KIF15: variants seen among roughly 807,000 people sequenced by gnomAD.
KIF15 encodes the protein kinesin family member 15, also known as kinesin-like protein KIF15.
Under a neutral mutation model 190.6 loss-of-function variants are expected in KIF15, and 140 were observed. The ratio of observed to expected loss-of-function variants is 0.73; its 90% confidence interval spans 0.64 to 0.84. The LOEUF is 0.84. KIF15 is among the 40% of genes least tolerant of loss of function. The pLI is 0.00. For synonymous variants in KIF15, 528 were observed against 551.3 expected (o/e 0.96, Z 0.59); for missense variants, 1,372 against 1,584.4 (o/e 0.87, Z 2.28).
rs114793043 is a variant in KIF15 at position 44,826,100 on chromosome 3, C to T, written c.2611C>T (p.Gln871Ter). 2 of 1,589,236 alleles carry T rather than the reference C, an allele frequency of 1.3e-6. No homozygotes were observed. Among genetic ancestry groups the T allele is most frequent in the South Asian group, 1.2e-5 (1 of 85,214 alleles). The part of the protein sequence containing the change: ...ACLQDSYDNL[Q>*]EIMKFEIDQL... Reference sequence around the variant, plus strand: ...CCTACAGGATTCCTATGACAACTTACAAGAAATAATGAAATTTGAGATTGA... The same window carrying T: ...CCTACAGGATTCCTATGACAACTTATAAGAAATAATGAAATTTGAGATTGA... The change falls in exon 21 of 35, where the codon CAA (glutamine) becomes TAA (stop). Residue 871 changes from glutamine (Q) to a stop codon, truncating the protein, a stop_gained. Transcript: ENST00000326047. LOFTEE classifies it high-confidence loss of function.
At chr3:44,864,223 CATT>C in intron 6 of KIF15, 1 of 1,614,164 alleles carries the variant, frequency 6.2e-7, no homozygotes, top group Non-Finnish European at 8.5e-7. Flanking sequence ...GCGTCTTAGG[CATT>C]ATTGTGATGG....
At chr3:44,809,655 G>A (rs1707696868) in intron 16 of KIF15, among the ~76,000 whole-genome samples, 1 of 151,594 alleles carries the variant, frequency 6.6e-6, no homozygotes, top group African/African-American at 2.4e-5. Context: ...GACCAGCTTG[G>A]GCAACATAGT....
rs373566547 is a variant in KIF15 at position 44,828,278 on chromosome 3, A to G, written c.2921A>G (p.Glu974Gly). 6 of 1,612,426 alleles carry G rather than the reference A, an allele frequency of 3.7e-6. No individual in the cohort carries two copies. The highest frequency in any genetic ancestry group is 5.1e-6 in the Non-Finnish European group (6 of 1,178,474). The change falls in exon 24 of 35, where the codon GAA becomes GGA. Residue 974 changes from glutamate to glycine, a missense_variant. By Grantham distance (98) the Glu-to-Gly change is moderately conservative. Transcript: ENST00000326047. ...LATEKVISSL[E>G]KSRDSDKKVV... ...ACTGAAAAAGTGATCAGTTCCCTGG[A>G]AAAGTCTAGAGATTCTGATAAGGTT...
intron 32 of KIF15, among the ~76,000 whole-genome samples, chr3:44,849,186 T>G (rs552519349): frequency 6.6e-6 from 1 of 152,356 alleles, no homozygotes; most frequent in Non-Finnish European, 1.5e-5. Flanking sequence ...TTTTGCTTAT[T>G]ATACTGATTT....
At chr3:44,843,297 A>T in intron 30 of KIF15, 63 bp downstream of exon 30, 1 of 1,108,036 alleles carries the variant, frequency 9.0e-7, no homozygotes, top group Non-Finnish European at 1.3e-6. Context: ...GAGTTAAATG[A>T]GGTTGGAATT....
At chr3:44,840,575 CTCTG>C (rs1239136013) in intron 28 of KIF15, 119 bp downstream of exon 28, 2 of 629,716 alleles carry the variant, frequency 3.2e-6, no homozygotes, top group Admixed American at 6.8e-5. Context: ...CACTAATACC[CTCTG>C]TCTGCTTTTT....
At chr3:44,829,431 T>TAC (rs1697864243) in intron 24 of KIF15, among the ~76,000 whole-genome samples, 1 of 139,628 alleles carries the variant, frequency 7.2e-6, no homozygotes, top group Admixed American at 7.9e-5. Flanking sequence ...ATATATAATA[T>TAC]ATATGTATAT....
At chr3:44,865,049 G>C (rs545987183) in intron 6 of KIF15, 1 of 1,614,034 alleles carries the variant, frequency 6.2e-7, no homozygotes, top group East Asian at 2.2e-5. Context: ...GGCCTTCCTG[G>C]GCTATGTGCT....
chr3:44,811,894 G>A (rs138909928), intron 17 of KIF15, among the ~76,000 whole-genome samples: 6 of 152,140 alleles, frequency 3.9e-5, no homozygotes, highest in Non-Finnish European at 7.3e-5. Context: ...TCTCAAGATG[G>A]CTCTGTCATG....
At chr3:44,862,056 G>T in intron 6 of KIF15, 1 of 1,328,842 alleles carries the variant, frequency 7.5e-7, no homozygotes, top group African/African-American at 1.5e-5. Flanking sequence ...TCAACTGTCT[G>T]TGCGCCGGCG....
intron 10 of KIF15, chr3:44,799,202 G>T: frequency 1.1e-5 from 5 of 455,788 alleles, no homozygotes; most frequent in South Asian, 7.8e-5. Context: ...CTTGTAATGA[G>T]GCTGGCCATA....
intron 26 of KIF15, among the ~76,000 whole-genome samples, chr3:44,834,075 C>T (rs1024465891): frequency 6.6e-6 from 1 of 152,056 alleles, no homozygotes; most frequent in African/African-American, 2.4e-5. Flanking sequence ...AATGTGACTA[C>T]GAATATTGTA....
chr3:44,778,001 G>T, intron 3 of KIF15, 114 bp from the exon 4 acceptor site: 1 of 785,700 alleles, frequency 1.3e-6, no homozygotes, highest in Admixed American at 1.9e-5. Context: ...TTTTTCTGTA[G>T]TGGATGTTAT....
At chr3:44,790,695 C>CTTTTTTTTTTTTTTTTTTTT (rs56414094) in intron 7 of KIF15, among the ~76,000 whole-genome samples, 2 of 97,972 alleles carry the variant, frequency 2.0e-5, no homozygotes, top group African/African-American at 4.1e-5. Context: ...TTTTCTGTTT[C>CTTTTTTTTTTTTTTTTTTTT]TTTTTTTTTT....
chr3:44,861,951 C>G, intron 6 of KIF15: 2 of 1,406,342 alleles, frequency 1.4e-6, no homozygotes, highest in Non-Finnish European at 1.8e-6. Flanking sequence ...GGCCTCCGGG[C>G]GGCGCCGTGT....
At chr3:44,780,425 A>T (rs887113544) in intron 4 of KIF15, among the ~76,000 whole-genome samples, 4 of 152,210 alleles carry the variant, frequency 2.6e-5, no homozygotes, top group African/African-American at 9.7e-5. Flanking sequence ...GCATAGCAAA[A>T]ATTGGAAACA....
intron 1 of KIF15, among the ~76,000 whole-genome samples, chr3:44,764,573 T>A (rs1422051647): frequency 1.3e-5 from 2 of 152,198 alleles, no homozygotes; most frequent in African/African-American, 4.8e-5. Context: ...TAAGCATATT[T>A]TTAGATGGAC....
At chr3:44,784,753 A>G (rs1706329337) in intron 5 of KIF15, 92 bp from the exon 6 acceptor site, 2 of 682,500 alleles carry the variant, frequency 2.9e-6, no homozygotes, top group South Asian at 3.5e-5. Context: ...AACTGATTGT[A>G]TGGTGTATCA....
At chr3:44,864,318 TGA>T (rs776676166) in intron 6 of KIF15, 15 of 1,614,090 alleles carry the variant, frequency 9.3e-6, no homozygotes, top group Non-Finnish European at 1.3e-5. Context: ...TCTGTCACAG[TGA>T]CTTTTTCAAA....
Sources: allele counts gnomAD v4.1 joint callset (sites outside exome capture counted in the v4.1 genomes callset), GRCh38; gene constraint gnomAD v4.1.1; transcripts MANE v1.5; gene names NCBI Gene and HGNC (gene_info 2026-07-23, HGNC 2026-07-21).